The following CCSER1 variants were observed in gnomAD, a reference collection of about 807,000 sequenced individuals.
The protein encoded by CCSER1 is serine-rich coiled-coil domain-containing protein 1.
A neutral mutation model predicts 82.0 loss-of-function variants in CCSER1; 41 were observed. The ratio of observed to expected loss-of-function variants is 0.50; its 90% CI spans 0.39 to 0.65. CCSER1 has a LOEUF of 0.65. Ranked by LOEUF, CCSER1 falls within the 30% of genes least tolerant of loss-of-function variation. The pLI is 0.00. For missense variants in CCSER1, 1,119 were observed against 1,064.2 expected, an observed-to-expected ratio of 1.05 and a Z score of -0.72; for synonymous variants, 414 against 383.9, an observed-to-expected ratio of 1.08 and a Z score of -0.92.
intron 9 of CCSER1, among the ~76,000 whole-genome samples, chr4:91,023,097 A>G (rs190613125): frequency 1.8e-4 from 27 of 152,280 alleles, no homozygotes; most frequent in Admixed American, 7.8e-4. Context: ...TCCAACTTAC[A>G]AGGGACGTGA....
chr4:90,820,266 A>G (rs919418708), intron 8 of CCSER1, among the ~76,000 whole-genome samples: 4 of 152,202 alleles, frequency 2.6e-5, no homozygotes, highest in Admixed American at 2.6e-4. Flanking sequence ...GTCAAATAAT[A>G]CCACTGTATG....
intron 3 of CCSER1, among the ~76,000 whole-genome samples, chr4:90,387,850 C>A (rs998720859): frequency 6.6e-6 from 1 of 152,066 alleles, no homozygotes; most frequent in South Asian, 2.1e-4. Flanking sequence ...TTATCTGTAC[C>A]CTACCTCCAT....
At chr4:90,245,492 C>T (rs1209518927) in intron 1 of CCSER1, among the ~76,000 whole-genome samples, 1 of 152,066 alleles carries the variant, frequency 6.6e-6, no homozygotes, top group Non-Finnish European at 1.5e-5. Flanking sequence ...TTGGGTTGGA[C>T]TTATCGCATG....
intron 5 of CCSER1, among the ~76,000 whole-genome samples, chr4:90,499,319 C>T (rs1447236067): frequency 2.0e-5 from 3 of 152,082 alleles, no homozygotes; most frequent in African/African-American, 7.2e-5. Context: ...GCCTCTTACT[C>T]AGGAACTACC....
chr4:90,734,982 T>G (rs964245541), intron 7 of CCSER1, among the ~76,000 whole-genome samples: 6 of 152,304 alleles, frequency 3.9e-5, no homozygotes, highest in Middle Eastern at 3.4e-3. Context: ...GCTTTTATTG[T>G]TTTGAGGTAT....
intron 10 of CCSER1, among the ~76,000 whole-genome samples, chr4:91,260,123 G>T (rs973503835): frequency 2.0e-5 from 3 of 152,166 alleles, no homozygotes; most frequent in Non-Finnish European, 2.9e-5. Flanking sequence ...TGGATATATA[G>T]CTGGGTGCTT....
intron 7 of CCSER1, among the ~76,000 whole-genome samples, chr4:90,726,958 CA>C (rs1437322483): frequency 6.6e-6 from 1 of 152,092 alleles, no homozygotes. Flanking sequence ...GTGATGAATG[CA>C]TTTGACTGTA....
At chr4:90,536,450 C>A (rs1353096042) in intron 5 of CCSER1, among the ~76,000 whole-genome samples, 1 of 152,184 alleles carries the variant, frequency 6.6e-6, no homozygotes, top group Non-Finnish European at 1.5e-5. Context: ...TTGAGAAAAA[C>A]ATACTCATGG....
At position 90,327,439 on chromosome 4, in the gene CCSER1, A is replaced by G. The variant is rs17016745; in HGVS notation, c.1509+14392A>G. Reference sequence around the variant, plus strand: ...TCTTTCCCATCTCTTCATTGCTGTCAGTTTAAAACACTGCCAAGTTTTCCA... The same window carrying G: ...TCTTTCCCATCTCTTCATTGCTGTCGGTTTAAAACACTGCCAAGTTTTCCA... On this transcript the variant is annotated intron_variant, in intron 3 of 10. Coordinates refer to ENST00000509176, the MANE Select transcript of CCSER1 (RefSeq NM_001145065.2). Among the ~76,000 whole-genome samples the G allele has an allele frequency of 5.8e-3, 879 of 152,274 alleles. 28 individuals carry two copies. The highest frequency in any genetic ancestry group is 0.044 in the Admixed American group (675 of 15,296).
chr4:91,443,644 TAAAGTA>T (rs970180596), intron 10 of CCSER1, among the ~76,000 whole-genome samples: 16 of 149,634 alleles, frequency 1.1e-4, no homozygotes, highest in Admixed American at 6.0e-4. Flanking sequence ...CCCTAAAACT[TAAAGTA>T]TAATAATAAT....
chr4:90,135,004 G>C lies in CCSER1; in HGVS notation c.-42+7173G>C, dbSNP rs903871813. On this transcript the variant is annotated intron_variant, in intron 1 of 10. Transcript: ENST00000509176. ...TTAATAATATCAAGGATTAAAAAAT[G>C]TTTTTTTAACTAATTTTTCACTTAT... Among the ~76,000 whole-genome samples, 6 of 152,026 alleles carry C rather than the reference G, an allele frequency of 3.9e-5. No homozygotes were observed. The East Asian group carries it at 1.2e-3, about 29-fold the overall frequency.
chr4:90,769,779 C>T (rs1751798184), intron 7 of CCSER1, among the ~76,000 whole-genome samples: 1 of 152,108 alleles, frequency 6.6e-6, no homozygotes, highest in Non-Finnish European at 1.5e-5. Flanking sequence ...GTAGGTACTA[C>T]AGTAGTATCA....
chr4:90,293,815 A>G (rs1250562129), intron 1 of CCSER1, among the ~76,000 whole-genome samples: 1 of 151,912 alleles, frequency 6.6e-6, no homozygotes, highest in Non-Finnish European at 1.5e-5. Flanking sequence ...AAACTGACAA[A>G]CTAGCTTTGA....
chr4:90,620,769 G>C (rs1579522423), intron 5 of CCSER1, among the ~76,000 whole-genome samples: 1 of 152,144 alleles, frequency 6.6e-6, no homozygotes. Flanking sequence ...GAATCCCCAA[G>C]TTGGTTAGTT....
chr4:90,796,450 G>A (rs1032299680), intron 7 of CCSER1, among the ~76,000 whole-genome samples: 2 of 143,910 alleles, frequency 1.4e-5, no homozygotes, highest in Non-Finnish European at 3.0e-5. Flanking sequence ...TCTTGGATTT[G>A]TGGATCTTTT....
intron 10 of CCSER1, among the ~76,000 whole-genome samples, chr4:91,141,033 A>C (rs1728974550): frequency 6.6e-6 from 1 of 152,186 alleles, no homozygotes; most frequent in Non-Finnish European, 1.5e-5. Context: ...TCCAATGTTT[A>C]GCTCCCACTT....
At chr4:90,573,179 G>T (rs1780316022) in intron 5 of CCSER1, among the ~76,000 whole-genome samples, 1 of 152,054 alleles carries the variant, frequency 6.6e-6, no homozygotes, top group East Asian at 1.9e-4. Context: ...AGGTGACTGG[G>T]GCTTGCTACA....
At position 90,308,663 on chromosome 4, in the gene CCSER1, A is replaced by G. The variant is rs1439317216; in HGVS notation, c.379A>G (p.Ile127Val). The change falls in exon 2 of 11, where the codon ATA becomes GTA. Residue 127 changes from isoleucine (I) to valine (V), a missense_variant. Transcript: ENST00000509176. ...TTTTAGTAGTTCACGAAATAAGAAG[A>G]TAACAAGATCTTTGACAGAGGATTT... is the stretch of plus-strand genomic sequence containing the variant. ...VGFSSSRNKK[I>V]TRSLTEDFER... 1 of 1,613,688 alleles carries G rather than the reference A, an allele frequency of 6.2e-7. No homozygotes were observed. Among genetic ancestry groups the G allele is most frequent in the South Asian group, 1.1e-5 (1 of 91,066 alleles).
chr4:91,059,285 C>T (rs1220688504), intron 9 of CCSER1, among the ~76,000 whole-genome samples: 1 of 85,800 alleles, frequency 1.2e-5, no homozygotes, highest in African/African-American at 4.4e-5. Flanking sequence ...CATCATTAAG[C>T]TGAAATGTGT....
Sources: allele counts gnomAD v4.1 joint callset (sites outside exome capture counted in the v4.1 genomes callset), GRCh38; gene constraint gnomAD v4.1.1; transcripts MANE v1.5; gene names NCBI Gene and HGNC (gene_info 2026-07-23, HGNC 2026-07-21).